ALDH3A1: variants seen among roughly 807,000 people sequenced by gnomAD.
ALDH3A1 encodes aldehyde dehydrogenase, dimeric NADP-preferring.
In ALDH3A1, 46 loss-of-function variants were observed where a neutral mutation model predicts 49.9. The ratio of observed to expected loss-of-function variants is 0.92; its 90% confidence interval spans 0.73 to 1.18. The LOEUF (loss-of-function observed/expected upper bound fraction) is 1.18, where lower values mean the gene tolerates loss of function less well. ALDH3A1 is among the 50% of genes most tolerant of loss of function. The pLI is 0.00. For synonymous variants in ALDH3A1, 269 were observed against 253.3 expected (o/e 1.06, Z -0.59); for missense variants, 592 against 611.8 (o/e 0.97, Z 0.34).
chr17:19,744,601 C>G (rs965952474), intron 2 of ALDH3A1: 2 of 985,258 alleles, frequency 2.0e-6, no homozygotes, highest in Non-Finnish European at 1.2e-6. Context: ...GAGAGCCCCC[C>G]ATGCCCTCCG....
intron 1 of ALDH3A1, among the ~76,000 whole-genome samples, chr17:19,747,135 A>G (rs529578187): frequency 8.5e-5 from 13 of 152,286 alleles, no homozygotes; most frequent in African/African-American, 3.1e-4. Flanking sequence ...AAAAAACCCT[A>G]TATATCATAT....
chr17:19,740,819 A>G (rs1442228708), intron 6 of ALDH3A1, among the ~76,000 whole-genome samples: 1 of 151,998 alleles, frequency 6.6e-6, no homozygotes, highest in East Asian at 1.9e-4. Context: ...CCATGCCACC[A>G]TGCTTGGCTA....
rs756715535 is a variant in ALDH3A1 at position 19,742,700 on chromosome 17, C to T, written c.395-70G>A. On this transcript the variant is annotated intron_variant, in intron 3 of 10. Coordinates refer to ENST00000225740, the MANE Select transcript of ALDH3A1 (RefSeq NM_000691.5). Reference sequence around the variant, plus strand: ...AGAGGCTCTGCCCTCCCAAGGACCACACCTGAAGCCTCCCCTCCATTGTGT... The same window carrying T: ...AGAGGCTCTGCCCTCCCAAGGACCATACCTGAAGCCTCCCCTCCATTGTGT... 36 of 1,608,386 alleles carry T rather than the reference C, an allele frequency of 2.2e-5. No individual in the cohort carries two copies. In the Admixed American group the frequency reaches 5.1e-4, roughly 23 times the overall value.
chr17:19,744,709 C>A, intron 2 of ALDH3A1: 1 of 1,345,798 alleles, frequency 7.4e-7, no homozygotes. Context: ...GTCGGGGCAG[C>A]AGGAAGTTGA....
rs2086451638 is a variant in ALDH3A1 at position 19,739,561 on chromosome 17, TG to T, written c.1062del (p.Phe354LeufsTer20). On this transcript the variant is annotated frameshift_variant, in exon 8 of 11. Coordinates refer to ENST00000225740, the MANE Select transcript of ALDH3A1 (RefSeq NM_000691.5). LOFTEE classifies it high-confidence loss of function. ...GCCAGGGGCTTCTCACGCTGGTTGA[TG>T]AACTGGATGGCCTCCTCCAGGCTGC... ...CVRSLEEAIQ[F>X]INQREKPLAL... is the part of the protein sequence containing the mutation. The T allele has an allele frequency of 1.2e-6, 2 of 1,613,468 alleles. No homozygotes were observed. The highest frequency in any genetic ancestry group is 1.7e-6 in the Non-Finnish European group (2 of 1,179,846).
intron 2 of ALDH3A1, chr17:19,744,453 T>C (rs2086560409): frequency 2.0e-6 from 2 of 984,886 alleles, no homozygotes; most frequent in African/African-American, 1.7e-5. Flanking sequence ...GCAAAGAGGG[T>C]AGTCGGTGGG....
At chr17:19,738,530 G>T in intron 9 of ALDH3A1, 77 bp from the exon 10 acceptor site, 2 of 1,566,288 alleles carry the variant, frequency 1.3e-6, no homozygotes, top group East Asian at 2.3e-5. Flanking sequence ...ACCTTGTTGG[G>T]TGTATCCCAG....
rs369396278 is a variant in ALDH3A1 at position 19,741,992 on chromosome 17, C to T, written c.689+12G>A. 2.0e-5 allele frequency: 32 copies of T among 1,613,176 alleles called. No homozygotes were observed. Among genetic ancestry groups the T allele is most frequent in the African/African-American group, 2.7e-5 (2 of 74,898 alleles). On this transcript the variant is annotated intron_variant, in intron 5 of 10. Transcript: ENST00000225740. ...TAAGGACTGCTGCAGCCAGCAGGCC[C>T]GTGCCTCTCACCGGCAGGCCACGTC...
At chr17:19,741,341 C>T (rs1002722376) in intron 5 of ALDH3A1, 131 bp from the exon 6 acceptor site, 19 of 722,510 alleles carry the variant, frequency 2.6e-5, no homozygotes, top group Admixed American at 1.3e-4. Context: ...TCCTCCCAAG[C>T]GGTCTGCTCA....
At position 19,742,931 on chromosome 17, in the gene ALDH3A1, C is replaced by A. The variant is rs543999159; in HGVS notation, c.394+301G>T. 5.9e-6 allele frequency: 9 copies of A among 1,524,716 alleles called. No homozygotes were observed. In the Admixed American group the frequency reaches 1.6e-4, roughly 27 times the overall value. 94.4% of individuals were successfully genotyped at this position (1,524,716 alleles called of 1,614,324 possible). On this transcript the variant is annotated intron_variant, in intron 3 of 10. Transcript: ENST00000225740. ...TCTGGGGGCCCGGTTGGTAGAACAG[C>A]GCTGGCCCATTCTAGGAAGGAAGCC...
At position 19,745,057 on chromosome 17, in the gene ALDH3A1, A is replaced by G; in HGVS notation, c.73T>C (p.Phe25Leu). ...AGCGCCTCCAGCTGCTGGATCCGGAACTGCAGCGGACGGGTCCTGCCCGAG... is the reference window on the plus strand; with the variant it reads ...AGCGCCTCCAGCTGCTGGATCCGGAGCTGCAGCGGACGGGTCCTGCCCGAG... ...FSSGRTRPLQ[F>L]RIQQLEALQR... is the part of the protein sequence containing the mutation. The change falls in exon 2 of 11, where the codon TTC (phenylalanine) becomes CTC (leucine). Residue 25 changes from phenylalanine to leucine, a missense_variant. Phe to Leu is a conservative substitution (Grantham distance 22). Transcript: ENST00000225740. 6.3e-7 allele frequency: 1 copy of G among 1,597,726 alleles called. No individual in the cohort carries two copies. Among genetic ancestry groups the G allele is most frequent in the Non-Finnish European group, 8.5e-7 (1 of 1,179,000 alleles).
Position 19,738,160 on chromosome 17 carries a change from T to A in ALDH3A1, c.*61A>T. ...ATTCTCCCAGGGCCAGGAGAGCCAGTGAGGGTGGTCCGCACTCCGATGGGA... is the reference window on the plus strand; with the variant it reads ...ATTCTCCCAGGGCCAGGAGAGCCAGAGAGGGTGGTCCGCACTCCGATGGGA... On this transcript the variant is annotated 3_prime_UTR_variant, in exon 11 of 11. Coordinates refer to ENST00000225740, the MANE Select transcript of ALDH3A1 (RefSeq NM_000691.5). 1 of 1,612,356 alleles carries A rather than the reference T, an allele frequency of 6.2e-7. No individual in the cohort carries two copies. The highest frequency in any genetic ancestry group is 8.5e-7 in the Non-Finnish European group (1 of 1,179,932).
In ALDH3A1 at chr17:19,748,188, A is replaced by C; in HGVS notation, c.-6+71T>G. 2.6e-6 allele frequency: 1 copy of C among 380,668 alleles called. No individual in the cohort carries two copies. The allele number at this position is 380,668 out of a possible 1,614,324, so 23.6% of individuals were successfully genotyped here. On this transcript the variant is annotated intron_variant, in intron 1 of 10. Transcript: ENST00000225740. The surrounding 1 kb of genome is among the most constrained non-coding windows in gnomAD (Gnocchi z 4.4). ...AGATGATGTAGGACTCTTGACACTT[A>C]GGGCCCCGGCTCTGAGTGCAGACTC...
Position 19,742,126 on chromosome 17 carries a change from G to A in ALDH3A1, c.567C>T (p.Ser189=), listed in dbSNP as rs774657290. 1.2e-6 allele frequency: 2 copies of A among 1,614,050 alleles called. No individual in the cohort carries two copies. The highest frequency in any genetic ancestry group is 1.1e-5 in the South Asian group (1 of 91,088). The change falls in exon 5 of 11, where the codon AGC becomes AGT. Residue 189 remains serine (S), a synonymous_variant. Coordinates refer to ENST00000225740, the MANE Select transcript of ALDH3A1 (RefSeq NM_000691.5). The part of the protein sequence containing the change: ...ERFDHILYTG[S]TGVGKIIMTA... ...TCATGATGATCTTCCCCACCCCCGT[G>A]CTGCCCGTGTACAGGATATGGTCGA...
Position 19,738,365 on chromosome 17 carries a change from A to C in ALDH3A1, c.1305T>G (p.Asn435Lys), listed in dbSNP as rs1163701997. Reference sequence around the variant, plus strand: ...GGTATCTGACCTTCAGGCCTTCATCATTCATCAGAGGCCTCACCAGGCAAG... The same window carrying C: ...GGTATCTGACCTTCAGGCCTTCATCCTTCATCAGAGGCCTCACCAGGCAAG... ...RRSCLVRPLM[N>K]DEGLKVRYPP... Residue 435 changes from asparagine to lysine, a missense_variant, in exon 10 of 11, where the codon AAT (asparagine) becomes AAG (lysine). Coordinates refer to ENST00000225740, the MANE Select transcript of ALDH3A1 (RefSeq NM_000691.5). The C allele has an allele frequency of 6.2e-7, 1 of 1,613,902 alleles. No individual in the cohort carries two copies. Among genetic ancestry groups the C allele is most frequent in the Non-Finnish European group, 8.5e-7 (1 of 1,179,840 alleles).
chr17:19,740,298 C>G (rs1485973211), intron 7 of ALDH3A1, 38 bp downstream of exon 7: 2 of 1,604,610 alleles, frequency 1.2e-6, no homozygotes, highest in Admixed American at 1.7e-5. Context: ...ACCCCTGCAG[C>G]CTGGGCAGGT....
chr17:19,744,843 C>T, intron 2 of ALDH3A1, 125 bp downstream of exon 2: 2 of 1,353,414 alleles, frequency 1.5e-6, no homozygotes, highest in Non-Finnish European at 1.9e-6. Flanking sequence ...GTCTCCGCGA[C>T]CGAGGGGCCA....
chr17:19,740,504 G>A lies in ALDH3A1; in HGVS notation c.808-27C>T, dbSNP rs754682982. Reference sequence around the variant, plus strand: ...TGTGGAGAAGAGGTGGGGGCTTCGGGTAAGGACGCAGAGCCTCGTCCTGCC... The same window carrying A: ...TGTGGAGAAGAGGTGGGGGCTTCGGATAAGGACGCAGAGCCTCGTCCTGCC... On this transcript the variant is annotated intron_variant, in intron 6 of 10. Coordinates refer to ENST00000225740, the MANE Select transcript of ALDH3A1 (RefSeq NM_000691.5). The A allele has an allele frequency of 5.0e-6, 8 of 1,612,110 alleles. No individual in the cohort carries two copies. The African/African-American group carries it at 5.3e-5, about 11-fold the overall frequency.
At chr17:19,742,326 C>T in intron 4 of ALDH3A1, 114 bp from the exon 5 acceptor site, 1 of 1,256,488 alleles carries the variant, frequency 8.0e-7, no homozygotes, top group East Asian at 2.5e-5. Context: ...CAGCACCCCA[C>T]CTTGGGCGGG....
Sources: allele counts gnomAD v4.1 joint callset (sites outside exome capture counted in the v4.1 genomes callset), GRCh38; gene constraint gnomAD v4.1.1; non-coding constraint Gnocchi (gnomAD v3.1); transcripts MANE v1.5; gene names NCBI Gene and HGNC (gene_info 2026-07-23, HGNC 2026-07-21).